Variants in GPATCH1 observed in about 807,000 individuals in gnomAD.
GPATCH1 encodes G-patch domain containing 1, also known as G patch domain-containing protein 1.
Under a neutral mutation model 114.9 loss-of-function variants are expected in GPATCH1, and 73 were observed. The observed-to-expected ratio is 0.64, with a 90% CI of 0.53 to 0.77. GPATCH1 has a LOEUF of 0.77. GPATCH1 is among the 30% of genes least tolerant of loss of function. The probability of loss-of-function intolerance (pLI) is 0.00; values close to 1 mark genes in which losing one functional copy is unlikely to be tolerated. For missense variants in GPATCH1, 1,058 were observed against 1,144.3 expected (o/e 0.92, Z 1.09); for synonymous variants, 391 against 428.4 (o/e 0.91, Z 1.08).
At chr19:33,127,610 A>G (rs1973057746) in intron 19 of GPATCH1, among the ~76,000 whole-genome samples, 2 of 152,036 alleles carry the variant, frequency 1.3e-5, no homozygotes, top group South Asian at 4.1e-4. Context: ...TACTTTCTCC[A>G]CAGTAACTTC....
intron 18 of GPATCH1, among the ~76,000 whole-genome samples, chr19:33,125,421 T>TTGTC (rs1973030402): frequency 6.6e-6 from 1 of 150,636 alleles, no homozygotes; most frequent in African/African-American, 2.4e-5. Flanking sequence ...TTTTTTGAGA[T>TTGTC]GGAGTCTCAC....
At chr19:33,097,484 ACTC>A (rs1972674965) in intron 7 of GPATCH1, among the ~76,000 whole-genome samples, 1 of 149,598 alleles carries the variant, frequency 6.7e-6, no homozygotes, top group Admixed American at 6.7e-5. Flanking sequence ...TTTGTTCTCC[ACTC>A]CTCTTCCTGT....
intron 19 of GPATCH1, among the ~76,000 whole-genome samples, chr19:33,129,390 T>C (rs1357003893): frequency 6.7e-6 from 1 of 148,518 alleles, no homozygotes; most frequent in Non-Finnish European, 1.5e-5. Flanking sequence ...TCGGGTAATA[T>C]AGGGAGACCC....
chr19:33,117,860 A>T lies in GPATCH1; in HGVS notation c.2232A>T (p.Gly744=). Residue 744 remains glycine, a synonymous_variant, in exon 16 of 20, where the codon GGA becomes GGT. Coordinates refer to ENST00000170564, the MANE Select transcript of GPATCH1 (RefSeq NM_018025.3). ...AAGATGTGGACGCACAGGCTGAAGG[A>T]GAAGGGAGCCGCCCATCCATGGACT... ...VNKDVDAQAE[G]EGSRPSMDLF... is the part of the protein sequence containing the mutation. 6.2e-7 allele frequency: 1 copy of T among 1,613,838 alleles called. No homozygotes were observed. Among genetic ancestry groups the T allele is most frequent in the Non-Finnish European group, 8.5e-7 (1 of 1,179,918 alleles).
At chr19:33,107,534 C>A (rs536374955) in intron 10 of GPATCH1, among the ~76,000 whole-genome samples, 5 of 152,168 alleles carry the variant, frequency 3.3e-5, no homozygotes, top group Non-Finnish European at 7.3e-5. Context: ...CATTGTGTAA[C>A]TCTTCTCCCG....
intron 5 of GPATCH1, 108 bp from the exon 6 acceptor site, chr19:33,095,654 A>G: frequency 1.3e-6 from 1 of 769,056 alleles, no homozygotes; most frequent in East Asian, 2.5e-5. Context: ...CTCTCACCTC[A>G]GCCTCCCAGA....
intron 1 of GPATCH1, among the ~76,000 whole-genome samples, chr19:33,087,914 G>T (rs1354265316): frequency 6.6e-6 from 1 of 151,866 alleles, no homozygotes; most frequent in African/African-American, 2.4e-5. Context: ...ATGGAATTTA[G>T]TGGGAAAAGA....
chr19:33,124,123 G>A (rs913518641), intron 17 of GPATCH1, among the ~76,000 whole-genome samples: 1 of 151,984 alleles, frequency 6.6e-6, no homozygotes, highest in African/African-American at 2.4e-5. Flanking sequence ...CAAAGTGCTG[G>A]GATTACAGGC....
intron 8 of GPATCH1, among the ~76,000 whole-genome samples, chr19:33,098,869 G>A (rs773702309): frequency 1.3e-5 from 2 of 152,020 alleles, no homozygotes; most frequent in Non-Finnish European, 2.9e-5. Context: ...CTTAACCTCC[G>A]GGTGGTCAGT....
At chr19:33,086,840 C>A (rs979184751) in intron 1 of GPATCH1, among the ~76,000 whole-genome samples, 1 of 151,754 alleles carries the variant, frequency 6.6e-6, no homozygotes, top group South Asian at 2.1e-4. Flanking sequence ...TGGACGCGGT[C>A]GCTCACACCT....
chr19:33,115,498 C>CTT (rs1159867914), intron 15 of GPATCH1, among the ~76,000 whole-genome samples: 1 of 139,306 alleles, frequency 7.2e-6, no homozygotes, highest in African/African-American at 2.6e-5. Context: ...AAGTGGGTTT[C>CTT]TTTTTTTTTT....
At chr19:33,110,996 A>ATATATATGTATATATAAAATATATTT (rs1568346437) in intron 11 of GPATCH1, among the ~76,000 whole-genome samples, 11 of 147,460 alleles carry the variant, frequency 7.5e-5, no homozygotes, top group African/African-American at 2.7e-4. Context: ...AAAATATATT[A>ATATATATGTATATATAAAATATATTT]TATATATATA....
chr19:33,098,617 C>T (rs1477237833), intron 8 of GPATCH1, among the ~76,000 whole-genome samples: 1 of 152,186 alleles, frequency 6.6e-6, no homozygotes, highest in East Asian at 1.9e-4. Context: ...GGCTCATAAC[C>T]TCTCTGGGCA....
intron 17 of GPATCH1, 132 bp downstream of exon 17, chr19:33,119,249 A>C: frequency 2.0e-6 from 1 of 511,276 alleles, no homozygotes; most frequent in Non-Finnish European, 3.4e-6. Context: ...CATATTTTAA[A>C]CCCGTTGTCT....
intron 3 of GPATCH1, among the ~76,000 whole-genome samples, chr19:33,093,128 C>T (rs1378712711): frequency 6.6e-6 from 1 of 152,156 alleles, no homozygotes; most frequent in Non-Finnish European, 1.5e-5. Context: ...GCGGAGGTTG[C>T]AGTGAGCCCA....
At chr19:33,120,505 C>T (rs530092026) in intron 17 of GPATCH1, among the ~76,000 whole-genome samples, 15 of 144,370 alleles carry the variant, frequency 1.0e-4, no homozygotes, top group South Asian at 6.6e-4. Context: ...ATCGAGATCG[C>T]GCCACTGCAC....
At chr19:33,129,342 A>G (rs1221955940) in intron 19 of GPATCH1, among the ~76,000 whole-genome samples, 3 of 148,096 alleles carry the variant, frequency 2.0e-5, no homozygotes, top group African/African-American at 7.5e-5. Context: ...GGAGGTCAAG[A>G]TGGGAGGATC....
intron 1 of GPATCH1, among the ~76,000 whole-genome samples, chr19:33,083,116 C>G (rs909710271): frequency 6.7e-6 from 1 of 149,290 alleles, no homozygotes; most frequent in African/African-American, 2.5e-5. Context: ...TGGGGGGGGG[C>G]TCATGTAGTC....
intron 15 of GPATCH1, among the ~76,000 whole-genome samples, chr19:33,116,829 A>T (rs1027863523): frequency 6.6e-6 from 1 of 151,594 alleles, no homozygotes; most frequent in Admixed American, 6.6e-5. Context: ...GCGCATGGCC[A>T]ATTTTTTTTT....
Sources: allele counts gnomAD v4.1 joint callset (sites outside exome capture counted in the v4.1 genomes callset), GRCh38; gene constraint gnomAD v4.1.1; transcripts MANE v1.5; gene names NCBI Gene and HGNC (gene_info 2026-07-23, HGNC 2026-07-21).